Variants in REXO5 observed in about 807,000 individuals in gnomAD.
The protein encoded by REXO5 is exonuclease NEF-sp.
Under a neutral mutation model 88.5 loss-of-function variants are expected in REXO5, and 48 were observed. The observed-to-expected ratio is 0.54, with a 90% CI of 0.43 to 0.69. The LOEUF is 0.69. Among genes scored for constraint, REXO5 ranks in the 30% least tolerant of loss-of-function variants. The pLI is 0.00. For synonymous variants in REXO5, 311 were observed against 336.5 expected, an observed-to-expected ratio of 0.92 and a Z score of 0.83; for missense variants, 749 against 912.2, an observed-to-expected ratio of 0.82 and a Z score of 2.30.
intron 2 of REXO5, among the ~76,000 whole-genome samples, chr16:20,810,093 C>T (rs2080973333): frequency 6.6e-6 from 1 of 152,152 alleles, no homozygotes; most frequent in Admixed American, 6.5e-5. Context: ...ATATTCCAGG[C>T]TCATATGTGC....
intron 6 of REXO5, among the ~76,000 whole-genome samples, chr16:20,822,720 C>T (rs745343020): frequency 6.6e-6 from 1 of 152,212 alleles, no homozygotes; most frequent in African/African-American, 2.4e-5. Flanking sequence ...CAAGCTTCAT[C>T]CATGTTGTAG....
intron 9 of REXO5, 28 bp from the exon 10 acceptor site, chr16:20,827,325 T>G: frequency 1.9e-6 from 3 of 1,602,512 alleles, no homozygotes; most frequent in Non-Finnish European, 2.6e-6. Context: ...CATAAGACAC[T>G]ACTCATTTTA....
intron 11 of REXO5, among the ~76,000 whole-genome samples, chr16:20,831,771 T>C: frequency 6.8e-6 from 1 of 148,102 alleles, no homozygotes; most frequent in East Asian, 1.9e-4. Flanking sequence ...CATTCTTTTA[T>C]CATTTCCAAA....
At chr16:20,820,899 C>T (rs2081174036) in intron 5 of REXO5, 1 of 151,912 alleles carries the variant, frequency 6.6e-6, no homozygotes. Context: ...ATCCTTAAAG[C>T]AGGCGGTCTG....
At position 20,825,946 on chromosome 16, in the gene REXO5, C is replaced by T. The variant is rs1376769335; in HGVS notation, c.819C>T (p.Thr273=). 1.2e-6 allele frequency: 2 copies of T among 1,607,184 alleles called. No individual in the cohort carries two copies. Among genetic ancestry groups the T allele is most frequent in the Non-Finnish European group, 1.7e-6 (2 of 1,174,706 alleles). The change falls in exon 8 of 20, where the codon ACC becomes ACT. Residue 273 remains threonine, a splice_region_variant and synonymous_variant. Transcript: ENST00000261377. ...AAAACAAGATTCTGGACTACCTCAC[C>T]AGGTATTTTTCACCTTGCCTGCAGC... ...KPENKILDYL[T]SFSGITKKIL... is the part of the protein sequence containing the mutation.
intron 13 of REXO5, among the ~76,000 whole-genome samples, chr16:20,839,506 C>T (rs2081492243): frequency 6.6e-6 from 1 of 151,862 alleles, no homozygotes; most frequent in Non-Finnish European, 1.5e-5. Flanking sequence ...TTTGTAATAG[C>T]CCTTGTCTCT....
chr16:20,807,156 C>T, intron 2 of REXO5, 65 bp downstream of exon 2: 4 of 1,532,364 alleles, frequency 2.6e-6, no homozygotes, highest in Admixed American at 2.1e-5. Context: ...CCTCGCCCAA[C>T]CGCCGTCGGG....
At chr16:20,845,616 C>A (rs186447362) in intron 18 of REXO5, among the ~76,000 whole-genome samples, 1 of 151,812 alleles carries the variant, frequency 6.6e-6, no homozygotes, top group Admixed American at 6.6e-5. Flanking sequence ...TGGACTTGTC[C>A]GTCTTTTTAT....
In REXO5 at chr16:20,810,055, G is replaced by A. The variant is rs1218080533; in HGVS notation, c.138+2964G>A. Among the ~76,000 whole-genome samples, 3 of 152,180 alleles carry A rather than the reference G, an allele frequency of 2.0e-5. No homozygotes were observed. In the East Asian group the frequency reaches 5.8e-4, roughly 29 times the overall value. ...TTGACATGACAACATCATTCTTTGA[G>A]CATGTCATTACTTTCTGGCACAAGA... On this transcript the variant is annotated intron_variant, in intron 2 of 19. Transcript: ENST00000261377.
intron 6 of REXO5, 30 bp from the exon 7 acceptor site, chr16:20,824,409 A>C (rs2081230632): frequency 7.8e-7 from 1 of 1,285,426 alleles, no homozygotes; most frequent in African/African-American, 1.5e-5. Context: ...TCTATTCTAA[A>C]GGCAAACATT....
At chr16:20,828,841 C>T (rs1485774544) in intron 11 of REXO5, among the ~76,000 whole-genome samples, 1 of 151,700 alleles carries the variant, frequency 6.6e-6, no homozygotes, top group Non-Finnish European at 1.5e-5. Context: ...ACAGGAGAAT[C>T]GCTTGAACCA....
chr16:20,812,791 G>A (rs1221786024), intron 2 of REXO5, among the ~76,000 whole-genome samples: 1 of 152,110 alleles, frequency 6.6e-6, no homozygotes, highest in African/African-American at 2.4e-5. Flanking sequence ...TTTCATCTCA[G>A]TAGCCTTCCC....
At chr16:20,848,668 C>T (rs1417931972) in intron 19 of REXO5, among the ~76,000 whole-genome samples, 3 of 152,232 alleles carry the variant, frequency 2.0e-5, no homozygotes, top group African/African-American at 7.2e-5. Flanking sequence ...CCTCAGAGAG[C>T]TCCTCAACGC....
chr16:20,836,779 G>T (rs2081437362), intron 13 of REXO5, among the ~76,000 whole-genome samples: 1 of 152,194 alleles, frequency 6.6e-6, no homozygotes, highest in South Asian at 2.1e-4. Flanking sequence ...ATTCTTTTCA[G>T]CATTTGATGG....
chr16:20,826,024 G>C, intron 8 of REXO5, 76 bp downstream of exon 8: 2 of 921,472 alleles, frequency 2.2e-6, no homozygotes, highest in South Asian at 3.0e-5. Context: ...ATGGCCCACA[G>C]CTTCAGTTTA....
intron 13 of REXO5, among the ~76,000 whole-genome samples, chr16:20,835,429 C>A (rs1382523399): frequency 6.6e-6 from 1 of 152,130 alleles, no homozygotes; most frequent in African/African-American, 2.4e-5. Flanking sequence ...GAATCTAAAC[C>A]ATTCCTGGCC....
intron 15 of REXO5, among the ~76,000 whole-genome samples, chr16:20,841,971 G>A (rs1000636659): frequency 5.9e-5 from 9 of 152,182 alleles, no homozygotes; most frequent in Non-Finnish European, 1.2e-4. Flanking sequence ...GATGGATTGG[G>A]GGATGAGAAG....
chr16:20,832,378 A>C, intron 12 of REXO5, 119 bp downstream of exon 12: 1 of 580,616 alleles, frequency 1.7e-6, no homozygotes, highest in Non-Finnish European at 2.9e-6. Context: ...TTACCAAAAA[A>C]TGATAACATC....
rs200801152 is a variant in REXO5 at position 20,833,004 on chromosome 16, G to A, written c.1264G>A (p.Val422Ile). The stretch of plus-strand genomic sequence containing the variant: ...CTTAACTCTTCTACTTCTTTATAGT[G>A]TTTTAGAATGCTTGGATTCAGTGGG... ...AEVLQHPNTS[V>I]LECLDSVGQK... is the part of the protein sequence containing the mutation. Residue 422 changes from valine (V) to isoleucine (I), a missense_variant and splice_region_variant, in exon 13 of 20, where the codon GTT (valine) becomes ATT (isoleucine). Physicochemically the swap from Val to Ile is conservative, Grantham distance 29. Coordinates refer to ENST00000261377, the MANE Select transcript of REXO5 (RefSeq NM_030941.3). The A allele has an allele frequency of 9.2e-5, 148 of 1,612,916 alleles. 1 individual carries two copies. The South Asian group carries it at 1.5e-3, about 16-fold the overall frequency.
Sources: allele counts gnomAD v4.1 joint callset (sites outside exome capture counted in the v4.1 genomes callset), GRCh38; gene constraint gnomAD v4.1.1; transcripts MANE v1.5; gene names NCBI Gene and HGNC (gene_info 2026-07-23, HGNC 2026-07-21).